DLGAP3: variants seen among roughly 807,000 people sequenced by gnomAD.
DLGAP3 encodes DLG associated protein 3.
DLGAP3 carries 17 observed loss-of-function variants against 81.2 expected under a neutral mutation model. That is an observed-to-expected ratio of 0.21 (90% CI 0.14 to 0.31). The LOEUF is 0.31. Among genes scored for constraint, DLGAP3 ranks in the 10% least tolerant of loss-of-function variants. The probability of loss-of-function intolerance (pLI) is 1.00; values close to 1 mark genes in which losing one functional copy is unlikely to be tolerated. For synonymous variants in DLGAP3, 577 were observed against 587.4 expected (o/e 0.98, Z 0.26); for missense variants, 1,124 against 1,388.0 (o/e 0.81, Z 3.02).
chr1:34,883,200 T>C (rs1201341285), intron 8 of DLGAP3, among the ~76,000 whole-genome samples: 3 of 152,192 alleles, frequency 2.0e-5, no homozygotes, highest in Non-Finnish European at 4.4e-5. Flanking sequence ...ATAGCTTCTG[T>C]GAGGGCAGAA....
chr1:34,865,647 C>T lies in DLGAP3; in HGVS notation c.*436G>A, dbSNP rs1638859958. On this transcript the variant is annotated 3_prime_UTR_variant, in exon 12 of 12. Transcript: ENST00000373347. ...GGAGCCCCTGGGAGGGTGGGGCGGG[C>T]TCCTAGGCAGGGTTCGGGATTCTTC... The T allele has an allele frequency of 3.7e-6, 1 of 272,778 alleles. No homozygotes were observed. The highest frequency in any genetic ancestry group is 2.4e-5 in the African/African-American group (1 of 42,024). 16.9% of individuals were successfully genotyped at this position (272,778 alleles called of 1,614,324 possible).
At chr1:34,909,101 G>C (rs1639602002) in intron 1 of DLGAP3, among the ~76,000 whole-genome samples, 1 of 152,218 alleles carries the variant, frequency 6.6e-6, no homozygotes, top group African/African-American at 2.4e-5. Context: ...TATCCCATTT[G>C]CTCTGTGCAT....
Position 34,866,258 on chromosome 1 carries a change from C to A in DLGAP3, c.2765G>T (p.Arg922Leu), listed in dbSNP as rs867317403. The A allele has an allele frequency of 6.4e-7, 1 of 1,558,088 alleles. No homozygotes were observed. The highest frequency in any genetic ancestry group is 8.7e-7 in the Non-Finnish European group (1 of 1,153,910). ...VPPPIPKKPL[R>L]GRGVPVKERS... ...CTCCTTCACCGGCACGCCCCGGCCC[C>A]GCAGGGGCTTCTTTGGTATCGGCGG... Residue 922 changes from arginine (R) to leucine (L), a missense_variant, in exon 12 of 12, where the codon CGG becomes CTG. Physicochemically the swap from Arg to Leu is moderately radical, Grantham distance 102. Transcript: ENST00000373347.
chr1:34,880,371 A>C (rs1171278301), intron 8 of DLGAP3, among the ~76,000 whole-genome samples: 1 of 152,210 alleles, frequency 6.6e-6, no homozygotes, highest in Non-Finnish European at 1.5e-5. Flanking sequence ...TTTAATTATA[A>C]AATATACAAA....
At position 34,905,355 on chromosome 1, in the gene DLGAP3, C is replaced by T; in HGVS notation, c.29G>A (p.Ser10Asn). 1 of 1,555,112 alleles carries T rather than the reference C, an allele frequency of 6.4e-7. No individual in the cohort carries two copies. Among genetic ancestry groups the T allele is most frequent in the East Asian group, 2.4e-5 (1 of 41,370 alleles). MRGYHGDRGSHPRPARFADQ... is the reference protein window; with the variant it reads MRGYHGDRGNHPRPARFADQ... ...AGCAAAGCGGGCTGGGCGGGGATGGCTGCCTCGGTCGCCATGGTAACCCCT... is the reference window on the plus strand; with the variant it reads ...AGCAAAGCGGGCTGGGCGGGGATGGTTGCCTCGGTCGCCATGGTAACCCCT... Residue 10 changes from serine to asparagine, a missense_variant, in exon 3 of 12, where the codon AGC (serine) becomes AAC (asparagine). Ser to Asn is a conservative substitution (Grantham distance 46). Coordinates refer to ENST00000373347, the MANE Select transcript of DLGAP3 (RefSeq NM_001080418.3).
At position 34,880,506 on chromosome 1, in the gene DLGAP3, G is replaced by A. The variant is rs147047607; in HGVS notation, c.2000+4472C>T. 5.6e-3 allele frequency among the ~76,000 whole-genome samples: 858 copies of A among 152,228 alleles called. 6 individuals are homozygous for A. Among genetic ancestry groups the A allele is most frequent in the African/African-American group, 0.02 (821 of 41,558 alleles). On this transcript the variant is annotated intron_variant, in intron 8 of 11. Transcript: ENST00000373347. ...AGGACTTTGGGAGGCTGAGGCGGGCGGATCACCTGAGGTCAGAAGTTCGAG... is the reference window on the plus strand; with the variant it reads ...AGGACTTTGGGAGGCTGAGGCGGGCAGATCACCTGAGGTCAGAAGTTCGAG...
At chr1:34,925,007 C>T (rs1639847286) in intron 1 of DLGAP3, among the ~76,000 whole-genome samples, 1 of 152,158 alleles carries the variant, frequency 6.6e-6, no homozygotes. Context: ...AGCAAATCCC[C>T]GCCGAATCCC....
chr1:34,867,025 G>A lies in DLGAP3; in HGVS notation c.2721+23C>T, dbSNP rs773908438. ...GAATTTCCCAGAGTCTGGCCTCTTT[G>A]CCTGAAGGCACCCCAGCCCCACCTT... On this transcript the variant is annotated intron_variant, in intron 11 of 11. Transcript: ENST00000373347. This position sits in a 1 kb window ranked among gnomAD's most constrained non-coding sequence, Gnocchi z 4.3. 3 of 1,613,786 alleles carry A rather than the reference G, an allele frequency of 1.9e-6. No homozygotes were observed. The highest frequency in any genetic ancestry group is 2.7e-5 in the African/African-American group (2 of 74,928).
chr1:34,922,056 C>T (rs139869461), intron 1 of DLGAP3, among the ~76,000 whole-genome samples: 7 of 152,286 alleles, frequency 4.6e-5, no homozygotes, highest in Non-Finnish European at 1.0e-4. Flanking sequence ...TCCACTAGGA[C>T]CAACTTGTTG....
At position 34,867,309 on chromosome 1, in the gene DLGAP3, G is replaced by A; in HGVS notation, c.2578-118C>T. ...GGAAGCTCAGCCTGGGAGAGTGGGTGGGGGCTGGGAGACAGGGGGACAAGA... is the reference window on the plus strand; with the variant it reads ...GGAAGCTCAGCCTGGGAGAGTGGGTAGGGGCTGGGAGACAGGGGGACAAGA... On this transcript the variant is annotated intron_variant, in intron 10 of 11. Coordinates refer to ENST00000373347, the MANE Select transcript of DLGAP3 (RefSeq NM_001080418.3). The surrounding 1 kb of genome is among the most constrained non-coding windows in gnomAD (Gnocchi z 4.3). 5 of 1,471,970 alleles carry A rather than the reference G, an allele frequency of 3.4e-6. No homozygotes were observed. In the South Asian group the frequency reaches 3.4e-5, roughly 10 times the overall value. 91.2% of individuals were successfully genotyped at this position (1,471,970 alleles called of 1,614,324 possible). A position where few individuals can be genotyped will look rare whatever the true frequency, so the allele number is the denominator to read the frequency against.
intron 1 of DLGAP3, among the ~76,000 whole-genome samples, chr1:34,915,285 G>T (rs1450951654): frequency 6.6e-6 from 1 of 152,164 alleles, no homozygotes; most frequent in Non-Finnish European, 1.5e-5. Context: ...CTATATGTTG[G>T]CTTCTTTTGA....
At position 34,906,016 on chromosome 1, in the gene DLGAP3, T is replaced by TTTTATATATATATATATATATATATA. The variant is rs60469155; in HGVS notation, c.-51-583_-51-582insTATATATATATATATATATATATAAA. Among the ~76,000 whole-genome samples, 52 of 64,778 alleles carry TTTTATATATATATATATATATATATA rather than the reference T, an allele frequency of 8.0e-4. 1 individual carries two copies. Among genetic ancestry groups the TTTTATATATATATATATATATATATA allele is most frequent in the African/African-American group, 1.6e-3 (35 of 21,608 alleles). The allele number at this position is 64,778 out of a possible 152,430, so 42.5% of individuals were successfully genotyped here. On this transcript the variant is annotated intron_variant, in intron 2 of 11. Coordinates refer to ENST00000373347, the MANE Select transcript of DLGAP3 (RefSeq NM_001080418.3). ...ACAGAGCGAGACCTGGCCTCTAAAT[T>TTTTATATATATATATATATATATATA]TATATATATATATATATTTGTTTGT...
Position 34,868,797 on chromosome 1 carries a change from C to CAGGGGT in DLGAP3, c.2292_2293insACCCCT (p.Thr763_Pro764dup). The CAGGGGT allele has an allele frequency of 6.4e-7, 1 of 1,573,392 alleles. No individual in the cohort carries two copies. Among genetic ancestry groups the CAGGGGT allele is most frequent in the South Asian group, 1.1e-5 (1 of 88,146 alleles). The stretch of plus-strand genomic sequence containing the variant: ...GAGTCACGGCGGCCGGCCCCAGGGC[C>CAGGGGT]GGGGGTGGGGGCGGGGGCAGGGCCG... On this transcript the variant is annotated inframe_insertion, in exon 9 of 12. Transcript: ENST00000373347. The surrounding 1 kb of genome is among the most constrained non-coding windows in gnomAD (Gnocchi z 7.5).
rs1639224889 is a variant in DLGAP3 at position 34,886,172 on chromosome 1, G to A, written c.1500C>T (p.Ser500=). The A allele has an allele frequency of 1.9e-6, 3 of 1,610,608 alleles. No homozygotes were observed. The highest frequency in any genetic ancestry group is 2.5e-6 in the Non-Finnish European group (3 of 1,179,102). ...LDLPGCFRMR[S]HSYLRAIQAG... is the part of the protein sequence containing the mutation. ...CCTGGATGGCCCGGAGGTAGCTGTGGCTCCGCATGCGGAAACAGCCGGGCA... is the reference window on the plus strand; with the variant it reads ...CCTGGATGGCCCGGAGGTAGCTGTGACTCCGCATGCGGAAACAGCCGGGCA... Residue 500 remains serine, a synonymous_variant, in exon 6 of 12, where the codon AGC becomes AGT. Coordinates refer to ENST00000373347, the MANE Select transcript of DLGAP3 (RefSeq NM_001080418.3).
At chr1:34,877,029 G>A (rs1398388694) in intron 8 of DLGAP3, among the ~76,000 whole-genome samples, 1 of 152,172 alleles carries the variant, frequency 6.6e-6, no homozygotes, top group Non-Finnish European at 1.5e-5. Context: ...TTGCTACAAT[G>A]CTGGGTTTGA....
Position 34,905,304 on chromosome 1 carries a change from G to A in DLGAP3, c.80C>T (p.Pro27Leu). 1.3e-6 allele frequency: 2 copies of A among 1,563,608 alleles called. No individual in the cohort carries two copies. Among genetic ancestry groups the A allele is most frequent in the Non-Finnish European group, 8.7e-7 (1 of 1,154,116 alleles). The change falls in exon 3 of 12, where the codon CCT (proline) becomes CTT (leucine). Residue 27 changes from proline to leucine, a missense_variant. This residue lies in a region of DLGAP3 where 167 missense variants were observed against 172.1 expected (regional missense o/e 0.97). Coordinates refer to ENST00000373347, the MANE Select transcript of DLGAP3 (RefSeq NM_001080418.3). ...FADQQHMDVG[P>L]AARAPYLLGS... ...CAGCAGGTATGGGGCCCTGGCAGCAGGGCCCACGTCCATATGCTGTTGGTC... is the reference window on the plus strand; with the variant it reads ...CAGCAGGTATGGGGCCCTGGCAGCAAGGCCCACGTCCATATGCTGTTGGTC...
At chr1:34,917,029 G>A (rs1177080585) in intron 1 of DLGAP3, among the ~76,000 whole-genome samples, 3 of 151,822 alleles carry the variant, frequency 2.0e-5, no homozygotes, top group Non-Finnish European at 1.5e-5. Flanking sequence ...ATGTCTCCCT[G>A]ACCAAACTGG....
rs778762840 is a variant in DLGAP3, at chr1:34,904,376, C to T, written c.1008G>A (p.Met336Ile). 6.2e-7 allele frequency: 1 copy of T among 1,613,690 alleles called. No individual in the cohort carries two copies. The highest frequency in any genetic ancestry group is 1.3e-5 in the African/African-American group (1 of 75,060). ...SVKRSAWHTM[M>I]VSQGRDGYPG... ...GGTATCCATCCCGGCCCTGGCTGAC[C>T]ATCATGGTATGCCAGGCACTTCGCT... The change falls in exon 3 of 12, where the codon ATG becomes ATA. Residue 336 changes from methionine (M) to isoleucine (I), a missense_variant. Physicochemically the swap from Met to Ile is conservative, Grantham distance 10. Coordinates refer to ENST00000373347, the MANE Select transcript of DLGAP3 (RefSeq NM_001080418.3). This position sits in a 1 kb window ranked among gnomAD's most constrained non-coding sequence, Gnocchi z 8.1.
At chr1:34,912,116 A>G (rs1639648953) in intron 1 of DLGAP3, among the ~76,000 whole-genome samples, 1 of 152,216 alleles carries the variant, frequency 6.6e-6, no homozygotes, top group Non-Finnish European at 1.5e-5. Flanking sequence ...AAAGGTATGA[A>G]TGATGTAAGG....
Sources: gnomAD v4.1 joint callset for allele counts (sites outside exome capture counted in the v4.1 genomes callset) on GRCh38, gnomAD v4.1.1 for gene constraint, gnomAD v4.1.1 regional missense constraint, Gnocchi (gnomAD v3.1) non-coding constraint, MANE v1.5 for transcripts, NCBI Gene and HGNC (gene_info 2026-07-23, HGNC 2026-07-21) for gene names.